The following PGLYRP2 variants were observed in gnomAD, a reference collection of about 807,000 sequenced individuals.
The protein encoded by PGLYRP2 is peptidoglycan recognition protein 2.
PGLYRP2 carries 38 observed loss-of-function variants against 46.2 expected under a neutral mutation model. The ratio of observed to expected loss-of-function variants is 0.82; its 90% CI spans 0.64 to 1.08. The LOEUF (loss-of-function observed/expected upper bound fraction) is 1.08, where lower values mean the gene tolerates loss of function less well. PGLYRP2 is among the 50% of genes least tolerant of loss of function. The pLI, the probability that PGLYRP2 is intolerant of heterozygous loss-of-function variation, is 0.00. For missense variants in PGLYRP2, 713 were observed against 755.9 expected, an observed-to-expected ratio of 0.94 and a Z score of 0.67; for synonymous variants, 289 against 329.4, an observed-to-expected ratio of 0.88 and a Z score of 1.33.
Position 15,476,048 on chromosome 19 carries a change from C to T in PGLYRP2, c.622G>A (p.Ala208Thr), listed in dbSNP as rs368743525. 46 of 1,614,058 alleles carry T rather than the reference C, an allele frequency of 2.8e-5. No homozygotes were observed. Among genetic ancestry groups the T allele is most frequent in the Non-Finnish European group, 3.7e-5 (44 of 1,180,050 alleles). ...DVQASLPDAKAKSPPTMVDSL... is the reference protein window; with the variant it reads ...DVQASLPDAKTKSPPTMVDSL... ...TCCACCATGGTCGGTGGGGACTTGG[C>T]TTTGGCATCTGGCAAGGAAGCTTGG... Residue 208 changes from alanine to threonine, a missense_variant, in exon 2 of 5, where the codon GCC becomes ACC. By Grantham distance (58) the Ala-to-Thr change is moderately conservative. Transcript: ENST00000340880.
chr19:15,476,100 T>A lies in PGLYRP2; in HGVS notation c.570A>T (p.Pro190=), dbSNP rs775548494. Residue 190 remains proline, a synonymous_variant, in exon 2 of 5, where the codon CCA becomes CCT. Coordinates refer to ENST00000340880, the MANE Select transcript of PGLYRP2 (RefSeq NM_052890.4). ...VTTADIGANT[P]DATKGCPDVQ... Reference sequence around the variant, plus strand: ...CATCTGGACAGCCTTTTGTAGCATCTGGAGTGTTGGCTCCAATATCTGCAG... The same window carrying A: ...CATCTGGACAGCCTTTTGTAGCATCAGGAGTGTTGGCTCCAATATCTGCAG... 3.7e-5 allele frequency: 60 copies of A among 1,614,092 alleles called. No individual in the cohort carries two copies. In the South Asian group the frequency reaches 6.5e-4, roughly 17 times the overall value.
intron 3 of PGLYRP2, among the ~76,000 whole-genome samples, chr19:15,471,564 G>T (rs566084815): frequency 6.6e-6 from 1 of 152,038 alleles, no homozygotes; most frequent in Non-Finnish European, 1.5e-5. Context: ...ACCGCACCAG[G>T]CCTCCTTGTC....
At chr19:15,475,487 G>C in intron 2 of PGLYRP2, 51 bp downstream of exon 2, 12 of 1,489,722 alleles carry the variant, frequency 8.1e-6, no homozygotes, top group Non-Finnish European at 1.0e-5. Flanking sequence ...CGGGGTGGGG[G>C]CGTCTGTGTC....
Position 15,469,742 on chromosome 19 carries a change from C to G in PGLYRP2, c.1531G>C (p.Gly511Arg). ...DTLPSCAVRA[G>R]LLRPDYALLG... The stretch of plus-strand genomic sequence containing the variant: ...AGCGCGTAGTCTGGCCGCAGGAGGC[C>G]GGCGCGCACCGCACAACTCGGGAGC... The change falls in exon 4 of 5, where the codon GGC (glycine) becomes CGC (arginine). Residue 511 changes from glycine (G) to arginine (R), a missense_variant. Physicochemically the swap from Gly to Arg is moderately radical, Grantham distance 125. Coordinates refer to ENST00000340880, the MANE Select transcript of PGLYRP2 (RefSeq NM_052890.4). The surrounding 1 kb of genome is among the most constrained non-coding windows in gnomAD (Gnocchi z 4.9). 1 of 1,486,372 alleles carries G rather than the reference C, an allele frequency of 6.7e-7. No homozygotes were observed. The highest frequency in any genetic ancestry group is 8.9e-7 in the Non-Finnish European group (1 of 1,125,398). The allele number at this position is 1,486,372 out of a possible 1,614,324, so 92.1% of individuals were successfully genotyped here. A position where few individuals can be genotyped will look rare whatever the true frequency, so the allele number is the denominator to read the frequency against.
At position 15,469,232 on chromosome 19, in the gene PGLYRP2, G is replaced by A. The variant is rs779560723; in HGVS notation, c.1641+400C>T. 1.8e-5 allele frequency: 11 copies of A among 596,052 alleles called. No individual in the cohort carries two copies. Among genetic ancestry groups the A allele is most frequent in the Middle Eastern group, 7.9e-4 (2 of 2,518 alleles). The allele number at this position is 596,052 out of a possible 1,614,324, so 36.9% of individuals were successfully genotyped here. ...GGCAGGGGTGAGGTCAAGGTTCGGC[G>A]GGCCAGGATGAGGTGGTGCAGCCTG... is the stretch of plus-strand genomic sequence containing the variant. On this transcript the variant is annotated intron_variant, in intron 4 of 4. Transcript: ENST00000340880. The surrounding 1 kb of genome is among the most constrained non-coding windows in gnomAD (Gnocchi z 4.9).
chr19:15,470,243 T>TCCTTCCTTCCTTCCTTCCTC (rs1182799191), intron 3 of PGLYRP2, among the ~76,000 whole-genome samples: 5 of 84,350 alleles, frequency 5.9e-5, no homozygotes, highest in South Asian at 4.3e-4. Flanking sequence ...TTTTTTTCTT[T>TCCTTCCTTCCTTCCTTCCTC]CCTTCCTTCC....
At chr19:15,473,328 G>C (rs982415023) in intron 2 of PGLYRP2, among the ~76,000 whole-genome samples, 1 of 151,574 alleles carries the variant, frequency 6.6e-6, no homozygotes, top group Non-Finnish European at 1.5e-5. Flanking sequence ...AAATTAGCCG[G>C]GCATGGTGGT....
chr19:15,469,963 G>A lies in PGLYRP2; in HGVS notation c.1344-34C>T, dbSNP rs776430860. ...GGGAGGGAGAAGCAAGCACCATGCGGCGTGAGGGGGACCCGGGCCCTTATC... is the reference window on the plus strand; with the variant it reads ...GGGAGGGAGAAGCAAGCACCATGCGACGTGAGGGGGACCCGGGCCCTTATC... On this transcript the variant is annotated intron_variant, in intron 3 of 4. Transcript: ENST00000340880. The surrounding 1 kb of genome is among the most constrained non-coding windows in gnomAD (Gnocchi z 4.9). 1.6e-4 allele frequency: 227 copies of A among 1,386,798 alleles called. No homozygotes were observed. Among genetic ancestry groups the A allele is most frequent in the Non-Finnish European group, 2.0e-4 (217 of 1,073,938 alleles). 85.9% of individuals were successfully genotyped at this position (1,386,798 alleles called of 1,614,324 possible). A position where few individuals can be genotyped will look rare whatever the true frequency, so the allele number is the denominator to read the frequency against.
At chr19:15,473,363 G>GCTCA (rs1970766416) in intron 2 of PGLYRP2, among the ~76,000 whole-genome samples, 1 of 150,616 alleles carries the variant, frequency 6.6e-6, no homozygotes, top group Non-Finnish European at 1.5e-5. Context: ...CCAGCTATGT[G>GCTCA]GGAGGCTGAG....
intron 1 of PGLYRP2, among the ~76,000 whole-genome samples, chr19:15,478,218 G>A (rs554808181): frequency 1.3e-5 from 2 of 152,128 alleles, no homozygotes; most frequent in African/African-American, 4.8e-5. Flanking sequence ...GCGGTGGCGG[G>A]CACCTGTAAT....
chr19:15,476,635 C>T, intron 1 of PGLYRP2, 27 bp from the exon 2 acceptor site: 1 of 1,516,756 alleles, frequency 6.6e-7, no homozygotes, highest in Non-Finnish European at 8.8e-7. Context: ...TGTGTTAGCC[C>T]AGCCCCACCC....
At chr19:15,470,348 G>C (rs920337162) in intron 3 of PGLYRP2, among the ~76,000 whole-genome samples, 5 of 145,006 alleles carry the variant, frequency 3.4e-5, no homozygotes, top group African/African-American at 1.3e-4. Context: ...TGAGGCTGAA[G>C]TGCAAGGGCG....
At chr19:15,477,606 G>A (rs1235846185) in intron 1 of PGLYRP2, among the ~76,000 whole-genome samples, 2 of 151,416 alleles carry the variant, frequency 1.3e-5, no homozygotes, top group African/African-American at 4.9e-5. Flanking sequence ...GCTGAGGCAG[G>A]AGAACTGCTT....
At chr19:15,471,568 C>T (rs868242338) in intron 3 of PGLYRP2, among the ~76,000 whole-genome samples, 70 of 152,086 alleles carry the variant, frequency 4.6e-4, no homozygotes, top group African/African-American at 1.4e-3. Flanking sequence ...CACCAGGCCT[C>T]CTTGTCTGTT....
intron 2 of PGLYRP2, among the ~76,000 whole-genome samples, chr19:15,474,715 ATGGTGGCTCACGCCCG>A (rs1341779725): frequency 6.6e-6 from 1 of 152,012 alleles, no homozygotes; most frequent in African/African-American, 2.4e-5. Flanking sequence ...TTGGCTGGGC[ATGGTGGCTCACGCCCG>A]TAATCCTAGC....
intron 1 of PGLYRP2, among the ~76,000 whole-genome samples, chr19:15,477,122 G>A (rs1373063242): frequency 1.3e-5 from 2 of 152,162 alleles, no homozygotes; most frequent in African/African-American, 2.4e-5. Flanking sequence ...ACTGGCTGTG[G>A]TGGCTTAGGC....
chr19:15,475,727 G>A lies in PGLYRP2; in HGVS notation c.943C>T (p.Arg315Cys), dbSNP rs773492494. ...CCGTTCTGCCGTCGGAAGTTGCTGC[G>A]GAACCCTGGGTCTCTGGCCACCCCA... ...GAGVARDPGFRSNFRRQNGAA... is the reference protein window; with the variant it reads ...GAGVARDPGFCSNFRRQNGAA... Residue 315 changes from arginine (R) to cysteine (C), a missense_variant, in exon 2 of 5, where the codon CGC becomes TGC. By Grantham distance (180) the Arg-to-Cys change is radical. Transcript: ENST00000340880. 17 of 1,614,022 alleles carry A rather than the reference G, an allele frequency of 1.1e-5. No homozygotes were observed. The African/African-American group carries it at 1.3e-4, about 13-fold the overall frequency.
chr19:15,468,715 C>A lies in PGLYRP2; in HGVS notation c.1679G>T (p.Arg560Ile). Residue 560 changes from arginine to isoleucine, a missense_variant, in exon 5 of 5, where the codon AGA becomes ATA. Physicochemically the swap from Arg to Ile is moderately conservative, Grantham distance 97 (BLOSUM62 -3). Coordinates refer to ENST00000340880, the MANE Select transcript of PGLYRP2 (RefSeq NM_052890.4). ...KPRPARSVSK[R>I]SRREPPPRTL... ...CCTTGGGGGTGGCTCCCTCCTGGAT[C>A]TCTTAGAGACACTCCTGGCAGGTCT... 6.2e-7 allele frequency: 1 copy of A among 1,613,006 alleles called. No homozygotes were observed. Among genetic ancestry groups the A allele is most frequent in the Non-Finnish European group, 8.5e-7 (1 of 1,179,512 alleles).
rs868581939 is a variant in PGLYRP2 at position 15,469,532 on chromosome 19, C to T, written c.1641+100G>A. ...CGGGAAGTTGGGGGCCTGGCTGAGG[C>T]TGTGCGGGCACAGCTGTTACAGGCA... On this transcript the variant is annotated intron_variant, in intron 4 of 4. Transcript: ENST00000340880. The surrounding 1 kb of genome is among the most constrained non-coding windows in gnomAD (Gnocchi z 4.9). 1.4e-6 allele frequency: 2 copies of T among 1,479,814 alleles called. No homozygotes were observed. The highest frequency in any genetic ancestry group is 1.8e-6 in the Non-Finnish European group (2 of 1,094,210). 91.7% of individuals were successfully genotyped at this position (1,479,814 alleles called of 1,614,324 possible). A position where few individuals can be genotyped will look rare whatever the true frequency, so the allele number is the denominator to read the frequency against.
Sources: allele counts gnomAD v4.1 joint callset (sites outside exome capture counted in the v4.1 genomes callset), GRCh38; gene constraint gnomAD v4.1.1; non-coding constraint Gnocchi (gnomAD v3.1); transcripts MANE v1.5; gene names NCBI Gene and HGNC (gene_info 2026-07-23, HGNC 2026-07-21).